GABRP: variants seen among roughly 807,000 people sequenced by gnomAD.
The protein encoded by GABRP is gamma-aminobutyric acid receptor subunit pi.
GABRP carries 52 observed loss-of-function variants against 47.8 expected under a neutral mutation model. The observed-to-expected ratio is 1.09, with a 90% confidence interval of 0.87 to 1.37. The LOEUF (loss-of-function observed/expected upper bound fraction) is 1.37. Among genes scored for constraint, GABRP ranks in the 40% most tolerant of loss-of-function variants. The pLI, the probability that GABRP is intolerant of heterozygous loss-of-function variation, is 0.00. For missense variants in GABRP, 525 were observed against 542.8 expected (o/e 0.97, Z 0.33); for synonymous variants, 221 against 205.8 (o/e 1.07, Z -0.63).
chr5:170,811,054 C>T (rs1277713436), intron 9 of GABRP, among the ~76,000 whole-genome samples: 2 of 151,462 alleles, frequency 1.3e-5, no homozygotes, highest in Non-Finnish European at 2.9e-5. Context: ...AATCACTGCA[C>T]TATGGAGTAC....
chr5:170,795,425 G>A lies in GABRP; in HGVS notation c.458G>A (p.Arg153Lys). The change falls in exon 5 of 10, where the codon AGA (arginine) becomes AAA (lysine). Residue 153 changes from arginine to lysine, a missense_variant and splice_region_variant. Transcript: ENST00000265294. The stretch of plus-strand genomic sequence containing the variant: ...AATGGCACGGTCCTGTATGCCCTCA[G>A]GTACGCGGACACCTGTGACCTCAGG... ...FSNGTVLYAL[R>K]ITTTVACNMD... The A allele has an allele frequency of 6.2e-7, 1 of 1,613,554 alleles. No individual in the cohort carries two copies. The highest frequency in any genetic ancestry group is 1.1e-5 in the South Asian group (1 of 91,058).
chr5:170,808,810 T>A (rs977988766), intron 8 of GABRP, 58 bp downstream of exon 8: 1 of 1,516,206 alleles, frequency 6.6e-7, no homozygotes. Flanking sequence ...CTTACTTTTT[T>A]TCCTTTTACC....
At position 170,809,701 on chromosome 5, in the gene GABRP, A is replaced by G. The variant is rs2127266910; in HGVS notation, c.966A>G (p.Leu322=). The G allele has an allele frequency of 6.2e-7, 1 of 1,612,630 alleles. No individual in the cohort carries two copies. Among genetic ancestry groups the G allele is most frequent in the South Asian group, 1.1e-5 (1 of 90,772 alleles). ...ICFSFVFGAL[L]EYAVAHYSSL... ...TTAGCTTTGTGTTTGGGGCCTTGCT[A>G]GAATATGCAGTTGCTCACTACAGTT... The change falls in exon 9 of 10, where the codon CTA becomes CTG. Residue 322 remains leucine (L), a synonymous_variant. Transcript: ENST00000265294.
Position 170,794,274 on chromosome 5 carries a change from C to T in GABRP, c.216C>T (p.Ile72=), listed in dbSNP as rs140333913. ...CGCTGACTCTGGACATTGCAAGTAT[C>T]TCTAGCATTTCAGAGAGTAACATGG... ...QIALTLDIAS[I]SSISESNMDY... is the part of the protein sequence containing the mutation. Residue 72 remains isoleucine, a synonymous_variant, in exon 4 of 10, where the codon ATC becomes ATT. Transcript: ENST00000265294. 652 of 1,609,062 alleles carry T rather than the reference C, an allele frequency of 4.1e-4. 3 individuals carry two copies. The African/African-American group carries it at 7.5e-3, about 19-fold the overall frequency.
chr5:170,796,326 C>T lies in GABRP; in HGVS notation c.458+901C>T, dbSNP rs562400842. Among the ~76,000 whole-genome samples the T allele has an allele frequency of 8.5e-5, 13 of 152,176 alleles. No individual in the cohort carries two copies. In the South Asian group the frequency reaches 2.5e-3, roughly 29 times the overall value. ...CTCTTTTGACCTCAATTCCAATCATCGTTAATGTTCCCCTTCCCCATGTTC... is the reference window on the plus strand; with the variant it reads ...CTCTTTTGACCTCAATTCCAATCATTGTTAATGTTCCCCTTCCCCATGTTC... On this transcript the variant is annotated intron_variant, in intron 5 of 9. Transcript: ENST00000265294.
At chr5:170,788,528 G>GT in intron 1 of GABRP, 46 bp from the exon 2 acceptor site, 1 of 1,303,698 alleles carries the variant, frequency 7.7e-7, no homozygotes, top group Non-Finnish European at 1.1e-6. Flanking sequence ...AGGAGCAGGT[G>GT]AGCCTGTTGC....
chr5:170,804,233 G>GAT (rs34205573), intron 6 of GABRP, among the ~76,000 whole-genome samples: 13,658 of 150,540 alleles, frequency 0.091, 1,496 homozygotes, highest in African/African-American at 0.26. Flanking sequence ...AGATGAGATA[G>GAT]ATATATATAT....
chr5:170,808,792 T>C (rs758893272), intron 8 of GABRP, 40 bp downstream of exon 8: 1 of 1,584,884 alleles, frequency 6.3e-7, no homozygotes, highest in East Asian at 2.2e-5. Flanking sequence ...AACTGGCTTA[T>C]CAGGTTACTT....
intron 4 of GABRP, 30 bp downstream of exon 4, chr5:170,794,328 A>C (rs751739456): frequency 1.4e-6 from 2 of 1,390,522 alleles, no homozygotes; most frequent in South Asian, 2.5e-5. Context: ...ACTCTACCCA[A>C]GTAGTCCCTC....
intron 6 of GABRP, among the ~76,000 whole-genome samples, chr5:170,803,954 G>T (rs1045070743): frequency 2.0e-5 from 3 of 152,052 alleles, no homozygotes; most frequent in African/African-American, 7.2e-5. Flanking sequence ...TTTTAGTAGA[G>T]ACAGGGTTTC....
At chr5:170,795,490 C>A in intron 5 of GABRP, 65 bp downstream of exon 5, 1 of 1,340,710 alleles carries the variant, frequency 7.5e-7, no homozygotes, top group Non-Finnish European at 1.1e-6. Context: ...GCAGATGTGT[C>A]TTGGGTAGTT....
intron 3 of GABRP, among the ~76,000 whole-genome samples, chr5:170,792,195 C>A (rs1378361964): frequency 8.5e-5 from 13 of 152,144 alleles, no homozygotes; most frequent in Non-Finnish European, 1.6e-4. Flanking sequence ...ATAATCCCAG[C>A]ACTTTGGGAG....
At chr5:170,804,982 TTATATTATATTATATATTA>T (rs1243880979) in intron 6 of GABRP, among the ~76,000 whole-genome samples, 2 of 63,034 alleles carry the variant, frequency 3.2e-5, no homozygotes, top group East Asian at 3.8e-4. Context: ...ATATTATATA[TTATATTATATTATATATTA>T]TATATATTAT....
In GABRP at chr5:170,798,988, T is replaced by C. The variant is rs193133406; in HGVS notation, c.541+1440T>C. Among the ~76,000 whole-genome samples the C allele has an allele frequency of 5.8e-4, 84 of 143,896 alleles. 2 individuals carry two copies. Among genetic ancestry groups the C allele is most frequent in the Non-Finnish European group, 7.6e-4 (50 of 65,708 alleles). 94.4% of individuals were successfully genotyped at this position (143,896 alleles called of 152,430 possible). On this transcript the variant is annotated intron_variant, in intron 6 of 9. Coordinates refer to ENST00000265294, the MANE Select transcript of GABRP (RefSeq NM_014211.3). ...GTGTTCCCCTTCCTGTGTCCAAGTGTTCTCACTGTTCAATTCCCACCTATG... is the reference window on the plus strand; with the variant it reads ...GTGTTCCCCTTCCTGTGTCCAAGTGCTCTCACTGTTCAATTCCCACCTATG...
rs1399386403 is a variant in GABRP, at chr5:170,809,608, G to A, written c.873G>A (p.Gly291=). The change falls in exon 9 of 10, where the codon GGG becomes GGA. Residue 291 remains glycine (G), a synonymous_variant. Coordinates refer to ENST00000265294, the MANE Select transcript of GABRP (RefSeq NM_014211.3). ...TATCAATGACCACACTGATGATCGGGTCCCGCACTTCTCTTCCCAACACCA... is the reference window on the plus strand; with the variant it reads ...TATCAATGACCACACTGATGATCGGATCCCGCACTTCTCTTCCCAACACCA... ...TVLSMTTLMI[G]SRTSLPNTNC... 4 of 1,613,994 alleles carry A rather than the reference G, an allele frequency of 2.5e-6. No individual in the cohort carries two copies. The highest frequency in any genetic ancestry group is 2.2e-5 in the East Asian group (1 of 44,886).
intron 7 of GABRP, among the ~76,000 whole-genome samples, chr5:170,808,096 C>T (rs1398120470): frequency 1.3e-5 from 2 of 152,200 alleles, no homozygotes; most frequent in East Asian, 3.8e-4. Context: ...CTAGAATACA[C>T]TGCTAGATTC....
chr5:170,812,092 A>C lies in GABRP; in HGVS notation c.1157A>C (p.Lys386Thr). Reference sequence around the variant, plus strand: ...GTTGACTACAGTGACTTGACAATGAAAACCAGCGACAAGTTCAAGTTTGTC... The same window carrying C: ...GTTGACTACAGTGACTTGACAATGACAACCAGCGACAAGTTCAAGTTTGTC... ...DNVDYSDLTM[K>T]TSDKFKFVFR... The change falls in exon 10 of 10, where the codon AAA becomes ACA. Residue 386 changes from lysine (K) to threonine (T), a missense_variant. Lys to Thr is a moderately conservative substitution (Grantham distance 78). Coordinates refer to ENST00000265294, the MANE Select transcript of GABRP (RefSeq NM_014211.3). The C allele has an allele frequency of 6.2e-7, 1 of 1,614,200 alleles. No individual in the cohort carries two copies. The highest frequency in any genetic ancestry group is 8.5e-7 in the Non-Finnish European group (1 of 1,180,024).
chr5:170,798,734 A>G (rs1581598246), intron 6 of GABRP, among the ~76,000 whole-genome samples: 1 of 152,048 alleles, frequency 6.6e-6, no homozygotes, highest in Non-Finnish European at 1.5e-5. Context: ...CCAGGGCTAC[A>G]TTTTTAGGTC....
In GABRP at chr5:170,788,655, C is replaced by G; in HGVS notation, c.40C>G (p.Leu14Val). The change falls in exon 2 of 10, where the codon CTC (leucine) becomes GTC (valine). Residue 14 changes from leucine (L) to valine (V), a missense_variant. Transcript: ENST00000265294. ...SLHLAFVCLSLFTERMCIQGS... is the reference protein window; with the variant it reads ...SLHLAFVCLSVFTERMCIQGS... ...CCACTTGGCCTTCGTGTGTCTGAGT[C>G]TCTTCACTGAGAGGTGAGCTTTGCT... The G allele has an allele frequency of 6.2e-7, 1 of 1,614,094 alleles. No individual in the cohort carries two copies. Among genetic ancestry groups the G allele is most frequent in the African/African-American group, 1.3e-5 (1 of 75,012 alleles).
Sources: allele counts gnomAD v4.1 joint callset (sites outside exome capture counted in the v4.1 genomes callset), GRCh38; gene constraint gnomAD v4.1.1; transcripts MANE v1.5; gene names NCBI Gene and HGNC (gene_info 2026-07-23, HGNC 2026-07-21).